Variants in RCAN2 observed in about 807,000 individuals in gnomAD.
RCAN2 encodes the protein regulator of calcineurin 2.
In RCAN2, 9 loss-of-function variants were observed where a neutral mutation model predicts 23.6. That is an observed-to-expected ratio of 0.38 (90% CI 0.23 to 0.67). The LOEUF (loss-of-function observed/expected upper bound fraction) is 0.67. Ranked by LOEUF, RCAN2 falls within the 30% of genes least tolerant of loss-of-function variation. The pLI is 0.51. For missense variants in RCAN2, 273 were observed against 302.3 expected (o/e 0.90, Z 0.72); for synonymous variants, 109 against 115.7 (o/e 0.94, Z 0.37).
intron 4 of RCAN2, among the ~76,000 whole-genome samples, chr6:46,240,999 A>G (rs1170899697): frequency 6.6e-6 from 1 of 152,236 alleles, no homozygotes; most frequent in Non-Finnish European, 1.5e-5. Context: ...AGGAGGAAAA[A>G]AAAGAAGAGA....
chr6:46,289,190 A>G (rs1208104414), intron 2 of RCAN2, among the ~76,000 whole-genome samples: 1 of 152,120 alleles, frequency 6.6e-6, no homozygotes, highest in African/African-American at 2.4e-5. Context: ...CCTCTCCTAC[A>G]TGGACCTTCA....
At chr6:46,479,674 C>T (rs112480092) in intron 1 of RCAN2, among the ~76,000 whole-genome samples, 19,917 of 150,718 alleles carry the variant, frequency 0.13, 1,921 homozygotes, top group African/African-American at 0.24. Flanking sequence ...CCTCTGCCTC[C>T]CGGGTTCAAG....
intron 1 of RCAN2, among the ~76,000 whole-genome samples, chr6:46,476,492 G>T (rs1768716208): frequency 6.6e-6 from 1 of 152,204 alleles, no homozygotes; most frequent in Admixed American, 6.5e-5. Context: ...GAAGGACATA[G>T]TGGTGAGTAA....
chr6:46,400,374 G>A (rs1766214142), intron 2 of RCAN2, among the ~76,000 whole-genome samples: 1 of 152,172 alleles, frequency 6.6e-6, no homozygotes, highest in East Asian at 1.9e-4. Context: ...ACTGTTCTTA[G>A]AAGCGAAGGC....
chr6:46,376,243 T>C (rs1240548521), intron 2 of RCAN2, among the ~76,000 whole-genome samples: 2 of 152,220 alleles, frequency 1.3e-5, no homozygotes, highest in African/African-American at 4.8e-5. Context: ...TGCTATGTAA[T>C]GCCTGGCACA....
At chr6:46,397,335 A>G (rs1244930546) in intron 2 of RCAN2, among the ~76,000 whole-genome samples, 1 of 151,342 alleles carries the variant, frequency 6.6e-6, no homozygotes, top group Non-Finnish European at 1.5e-5. Context: ...GATTATAATC[A>G]TTACACAAAT....
At chr6:46,290,933 A>C (rs1208214413) in intron 2 of RCAN2, among the ~76,000 whole-genome samples, 3 of 152,124 alleles carry the variant, frequency 2.0e-5, no homozygotes, top group Non-Finnish European at 4.4e-5. Flanking sequence ...TTGATACTAC[A>C]CTCACTCCTC....
chr6:46,456,919 G>A lies in RCAN2; in HGVS notation c.58C>T (p.Pro20Ser). ...MRSPGQQGHV[P>S]EDGGLFLLCC... is the part of the protein sequence containing the mutation. ...AGTAAGAAAAGTCCTCCATCTTCAG[G>A]GACGTGTCCCTGCTGCCCTGGGCTC... The change falls in exon 2 of 5, where the codon CCT becomes TCT. Residue 20 changes from proline to serine, a missense_variant. Transcript: ENST00000371374. 6.4e-7 allele frequency: 1 copy of A among 1,550,746 alleles called. No homozygotes were observed. Among genetic ancestry groups the A allele is most frequent in the Non-Finnish European group, 8.7e-7 (1 of 1,147,034 alleles).
intron 2 of RCAN2, among the ~76,000 whole-genome samples, chr6:46,414,137 G>C (rs142007441): frequency 2.6e-5 from 4 of 152,188 alleles, no homozygotes; most frequent in African/African-American, 9.6e-5. Flanking sequence ...GGAGACTGAG[G>C]TTCTGTAAAT....
chr6:46,367,945 G>A (rs1234109275), intron 2 of RCAN2, among the ~76,000 whole-genome samples: 2 of 152,080 alleles, frequency 1.3e-5, no homozygotes, highest in African/African-American at 4.8e-5. Flanking sequence ...CAACAAACTT[G>A]TCTCTACTCT....
At chr6:46,395,093 A>C (rs1286592296) in intron 2 of RCAN2, among the ~76,000 whole-genome samples, 2 of 152,184 alleles carry the variant, frequency 1.3e-5, no homozygotes, top group East Asian at 1.9e-4. Context: ...TCATGAATTT[A>C]TTTGACTTCT....
chr6:46,317,422 C>A (rs909335891), intron 2 of RCAN2, among the ~76,000 whole-genome samples: 3 of 152,038 alleles, frequency 2.0e-5, no homozygotes, highest in African/African-American at 7.2e-5. Context: ...CTTATCTTCC[C>A]AGCTTTATAC....
At chr6:46,229,828 C>T (rs1295303105) in intron 4 of RCAN2, among the ~76,000 whole-genome samples, 2 of 152,200 alleles carry the variant, frequency 1.3e-5, no homozygotes, top group Non-Finnish European at 1.5e-5. Flanking sequence ...TGAGGAGCTG[C>T]GTTCCTTTGG....
At chr6:46,443,280 T>A (rs1321351547) in intron 2 of RCAN2, among the ~76,000 whole-genome samples, 1 of 152,164 alleles carries the variant, frequency 6.6e-6, no homozygotes, top group Non-Finnish European at 1.5e-5. Flanking sequence ...TATAGTTCAC[T>A]TCTATTTTAT....
intron 2 of RCAN2, chr6:46,325,666 G>A: frequency 7.2e-7 from 1 of 1,398,008 alleles, no homozygotes; most frequent in African/African-American, 1.5e-5. Flanking sequence ...CAGCACAGCA[G>A]AGTAACGAAC....
intron 2 of RCAN2, among the ~76,000 whole-genome samples, chr6:46,416,273 G>A (rs544291972): frequency 6.6e-6 from 1 of 151,152 alleles, no homozygotes; most frequent in South Asian, 2.1e-4. Flanking sequence ...ACCACTTAAG[G>A]CACCAATCAC....
At chr6:46,394,814 T>C (rs7770080) in intron 2 of RCAN2, among the ~76,000 whole-genome samples, 418 of 152,240 alleles carry the variant, frequency 2.7e-3, no homozygotes, top group African/African-American at 9.4e-3. Flanking sequence ...ACACAGGCTA[T>C]TGAAATAATA....
At chr6:46,351,681 A>G (rs558860548) in intron 2 of RCAN2, among the ~76,000 whole-genome samples, 4 of 152,354 alleles carry the variant, frequency 2.6e-5, no homozygotes, top group Admixed American at 2.6e-4. Flanking sequence ...GATCCAGATA[A>G]TAAATACCAC....
intron 2 of RCAN2, among the ~76,000 whole-genome samples, chr6:46,429,071 T>A (rs1288496618): frequency 2.6e-5 from 4 of 152,176 alleles, no homozygotes; most frequent in African/African-American, 9.7e-5. Context: ...TAATCACATG[T>A]ATAATTGTTT....
Sources: gnomAD v4.1 joint callset for allele counts (sites outside exome capture counted in the v4.1 genomes callset) on GRCh38, gnomAD v4.1.1 for gene constraint, MANE v1.5 for transcripts, NCBI Gene and HGNC (gene_info 2026-07-23, HGNC 2026-07-21) for gene names.